The following FLT3 variants were observed in gnomAD, a reference collection of about 807,000 sequenced individuals.
The protein encoded by FLT3 is fms related receptor tyrosine kinase 3.
In FLT3, 46 loss-of-function variants were observed where a neutral mutation model predicts 126.6. That is an observed-to-expected ratio of 0.36 (90% CI 0.29 to 0.46). FLT3 has a LOEUF of 0.46. FLT3 is among the 20% of genes least tolerant of loss of function. The pLI is 1.00. For missense variants in FLT3, 1,069 were observed against 1,190.3 expected (o/e 0.90, Z 1.50); for synonymous variants, 404 against 434.4 (o/e 0.93, Z 0.87).
chr13:28,068,948 A>G (rs1877269598), intron 2 of FLT3, among the ~76,000 whole-genome samples: 1 of 152,156 alleles, frequency 6.6e-6, no homozygotes, highest in Non-Finnish European at 1.5e-5. Flanking sequence ...ATGTTTTTAA[A>G]ATAGAGGGGT....
intron 5 of FLT3, among the ~76,000 whole-genome samples, chr13:28,051,791 C>T (rs1262620437): frequency 2.9e-4 from 44 of 151,826 alleles, no homozygotes; most frequent in Admixed American, 5.9e-4. Flanking sequence ...CGTGATCCGC[C>T]GGTCTTGGCC....
rs529206322 is a variant in FLT3 at position 28,044,650 on chromosome 13, T to C, written c.1205+3625A>G. Among the ~76,000 whole-genome samples, 21 of 152,302 alleles carry C rather than the reference T, an allele frequency of 1.4e-4. 1 individual carries two copies. In the East Asian group the frequency reaches 3.9e-3, roughly 28 times the overall value. ...TTTTCTCATGAAGAAGGAGGGCCCA[T>C]CTTTCCTTTGCTGTGTGTCGTCAGT... On this transcript the variant is annotated intron_variant, in intron 9 of 23. Coordinates refer to ENST00000241453, the MANE Select transcript of FLT3 (RefSeq NM_004119.3).
intron 1 of FLT3, among the ~76,000 whole-genome samples, chr13:28,079,446 G>T (rs1261583238): frequency 6.6e-6 from 1 of 152,074 alleles, no homozygotes; most frequent in African/African-American, 2.4e-5. Context: ...CTGTTACCCA[G>T]TTCCAAAGAC....
chr13:28,068,499 G>A (rs1003222263), intron 2 of FLT3, among the ~76,000 whole-genome samples: 4 of 150,698 alleles, frequency 2.7e-5, no homozygotes, highest in South Asian at 2.1e-4. Context: ...GGCAAAACCC[G>A]TCTCTACAAA....
At chr13:28,015,037 T>A in intron 22 of FLT3, 120 bp downstream of exon 22, 1 of 642,618 alleles carries the variant, frequency 1.6e-6, no homozygotes, top group African/African-American at 1.8e-5. Flanking sequence ...TTCTATTTTT[T>A]AAAAAAAGAA....
intron 1 of FLT3, among the ~76,000 whole-genome samples, chr13:28,099,940 T>A (rs1879709427): frequency 1.3e-5 from 2 of 152,210 alleles, no homozygotes; most frequent in African/African-American, 4.8e-5. Flanking sequence ...GGTATCGTTA[T>A]TGAGGATGAC....
rs1352217777 is a variant in FLT3 at position 28,028,204 on chromosome 13, T to C, written c.2027A>G (p.Asn676Ser). 6.2e-7 allele frequency: 1 copy of C among 1,607,598 alleles called. No individual in the cohort carries two copies. The highest frequency in any genetic ancestry group is 8.5e-7 in the Non-Finnish European group (1 of 1,174,174). Residue 676 changes from asparagine (N) to serine (S), a missense_variant, in exon 16 of 24, where the codon AAC becomes AGC. Coordinates refer to ENST00000241453, the MANE Select transcript of FLT3 (RefSeq NM_004119.3). Reference sequence around the variant, plus strand: ...TGACAGTGTGCACGCCCCCAGCAGGTTCACAATATTCTCGTGGCTTCCCAG... The same window carrying C: ...TGACAGTGTGCACGCCCCCAGCAGGCTCACAATATTCTCGTGGCTTCCCAG... ...TQLGSHENIV[N>S]LLGACTLSGP... is the part of the protein sequence containing the mutation.
intron 15 of FLT3, among the ~76,000 whole-genome samples, chr13:28,033,642 T>C (rs1017282296): frequency 6.6e-6 from 1 of 152,064 alleles, no homozygotes; most frequent in African/African-American, 2.4e-5. Context: ...TGAGACCCTG[T>C]CTCAAAAAAA....
chr13:28,091,493 T>C (rs953041404), intron 1 of FLT3, among the ~76,000 whole-genome samples: 2 of 151,456 alleles, frequency 1.3e-5, no homozygotes, highest in African/African-American at 4.8e-5. Context: ...AGTGCTGGGA[T>C]TACAGGCGTG....
intron 1 of FLT3, among the ~76,000 whole-genome samples, chr13:28,091,259 TC>T (rs1448825949): frequency 7.9e-6 from 1 of 126,208 alleles, no homozygotes; most frequent in African/African-American, 3.0e-5. Flanking sequence ...TCTCGCTCTG[TC>T]GCCCAGGCTG....
rs945033024 is a variant in FLT3, at chr13:28,058,606, T to C, written c.369-1144A>G. On this transcript the variant is annotated intron_variant, in intron 3 of 23. Transcript: ENST00000241453. The stretch of plus-strand genomic sequence containing the variant: ...AAAGTGTAGTCTTTCTCTAACAGTG[T>C]TAGCATCAGCTGGGAGTTGACAAAG... Among the ~76,000 whole-genome samples, 5 of 152,336 alleles carry C rather than the reference T, an allele frequency of 3.3e-5. No individual in the cohort carries two copies. In the East Asian group the frequency reaches 9.6e-4, roughly 29 times the overall value.
intron 20 of FLT3, among the ~76,000 whole-genome samples, chr13:28,018,123 CA>C (rs1289109057): frequency 6.6e-6 from 1 of 152,156 alleles, no homozygotes; most frequent in African/African-American, 2.4e-5. Flanking sequence ...TAATTGAAAA[CA>C]TAACTCAATC....
At chr13:28,010,989 T>C (rs1163182713) in intron 23 of FLT3, among the ~76,000 whole-genome samples, 1 of 148,124 alleles carries the variant, frequency 6.8e-6, no homozygotes, top group Non-Finnish European at 1.5e-5. Flanking sequence ...GGTGACGGAG[T>C]GAGACTCTGT....
chr13:28,003,784 C>T lies in FLT3; in HGVS notation c.*268G>A, dbSNP rs1870639690. ...TACTGTACTTCAGGTACACAATTCACTCAAGCCAGCCTGAGAAGGCCTTGG... is the reference window on the plus strand; with the variant it reads ...TACTGTACTTCAGGTACACAATTCATTCAAGCCAGCCTGAGAAGGCCTTGG... On this transcript the variant is annotated 3_prime_UTR_variant, in exon 24 of 24. Coordinates refer to ENST00000241453, the MANE Select transcript of FLT3 (RefSeq NM_004119.3). 1 of 466,832 alleles carries T rather than the reference C, an allele frequency of 2.1e-6. No individual in the cohort carries two copies. Among genetic ancestry groups the T allele is most frequent in the Admixed American group, 3.4e-5 (1 of 29,362 alleles). The allele number at this position is 466,832 out of a possible 1,614,324, so 28.9% of individuals were successfully genotyped here.
At chr13:28,017,478 GC>G (rs1233251006) in intron 20 of FLT3, among the ~76,000 whole-genome samples, 1 of 152,066 alleles carries the variant, frequency 6.6e-6, no homozygotes, top group Non-Finnish European at 1.5e-5. Context: ...TCCCACCTTG[GC>G]CTCTCAAAGT....
intron 1 of FLT3, among the ~76,000 whole-genome samples, chr13:28,082,907 T>A (rs1477437290): frequency 6.6e-6 from 1 of 151,828 alleles, no homozygotes; most frequent in African/African-American, 2.4e-5. Flanking sequence ...GGGGTTTCAC[T>A]GTGTTAGCCA....
chr13:28,014,556 A>T lies in FLT3; in HGVS notation c.2755T>A (p.Tyr919Asn). 1 of 1,606,788 alleles carries T rather than the reference A, an allele frequency of 6.2e-7. No individual in the cohort carries two copies. The highest frequency in any genetic ancestry group is 8.5e-7 in the Non-Finnish European group (1 of 1,173,432). The change falls in exon 23 of 24, where the codon TAC (tyrosine) becomes AAC (asparagine). Residue 919 changes from tyrosine (Y) to asparagine (N), a missense_variant and splice_region_variant. By Grantham distance (143) the Tyr-to-Asn change is moderately radical. Transcript: ENST00000241453. Reference protein sequence around the residue: ...DQPFYATEEIYIIMQSCWAFD... With the variant: ...DQPFYATEEINIIMQSCWAFD... ...GCCCAGCAGGATTGCATTATAATGT[A>T]TCTGTAAAAGCAATAGAACAAGGAA...
chr13:28,030,728 CATAA>C (rs1211508110), intron 15 of FLT3, among the ~76,000 whole-genome samples: 2 of 151,582 alleles, frequency 1.3e-5, no homozygotes, highest in African/African-American at 4.9e-5. Flanking sequence ...AGTAAAAATA[CATAA>C]ATAAATAAAA....
intron 1 of FLT3, among the ~76,000 whole-genome samples, chr13:28,085,297 T>C (rs12585696): frequency 0.54 from 77,854 of 143,572 alleles, 22,030 homozygotes; most frequent in East Asian, 0.73. Flanking sequence ...TGAGCCAAGA[T>C]TGTGCCACTG....
Sources: allele counts gnomAD v4.1 joint callset (sites outside exome capture counted in the v4.1 genomes callset), GRCh38; gene constraint gnomAD v4.1.1; transcripts MANE v1.5; gene names NCBI Gene and HGNC (gene_info 2026-07-23, HGNC 2026-07-21).